Variants in TPTE2 observed in about 807,000 individuals in gnomAD.
TPTE2 encodes transmembrane phosphoinositide 3-phosphatase and tensin homolog 2.
TPTE2 carries 53 observed loss-of-function variants against 78.6 expected under a neutral mutation model. The observed-to-expected ratio is 0.67, with a 90% confidence interval of 0.54 to 0.85. The LOEUF (loss-of-function observed/expected upper bound fraction) is 0.85, where lower values mean the gene tolerates loss of function less well. TPTE2 is among the 40% of genes least tolerant of loss of function. TPTE2 has a pLI of 0.00. For missense variants in TPTE2, 461 were observed against 623.0 expected (o/e 0.74, Z 2.77); for synonymous variants, 175 against 206.2 (o/e 0.85, Z 1.30).
At chr13:19,444,186 G>A (rs1424297366) in intron 13 of TPTE2, among the ~76,000 whole-genome samples, 1 of 151,200 alleles carries the variant, frequency 6.6e-6, no homozygotes, top group African/African-American at 2.4e-5. Flanking sequence ...CCTGCCTGCA[G>A]TGCTAGCTAC....
the TPTE2 span, among the ~76,000 whole-genome samples, chr13:19,546,483 C>CTTTTTTTTTT: frequency 3.4e-4 from 29 of 85,022 alleles, no homozygotes; most frequent in Admixed American, 7.6e-4. Context: ...TTTTCTTTTT[C>CTTTTTTTTTT]TTTTTTTTTT....
chr13:19,422,961 A>G, exon 20 of TPTE2: 1 of 1,414,456 alleles, frequency 7.1e-7, no homozygotes, highest in Non-Finnish European at 9.7e-7. Context: ...AAGACTTAGG[A>G]CACATGAACA....
chr13:19,512,589 T>TC (rs898522111), intron 1 of TPTE2, among the ~76,000 whole-genome samples: 9 of 151,750 alleles, frequency 5.9e-5, no homozygotes, highest in African/African-American at 1.9e-4. Context: ...AAACATTTTT[T>TC]TTTTTTTGAG....
At chr13:19,430,324 A>T in intron 17 of TPTE2, 144 bp downstream of exon 20, 2 of 660,574 alleles carry the variant, frequency 3.0e-6, no homozygotes. Context: ...ATCCAAACCC[A>T]GTGACACCAA....
intron 3 of TPTE2, among the ~76,000 whole-genome samples, chr13:19,488,855 T>C (rs1880813393): frequency 6.6e-6 from 1 of 152,234 alleles, no homozygotes; most frequent in African/African-American, 2.4e-5. Context: ...TTTGTTTTTG[T>C]TTTTGTTTTA....
At chr13:19,483,766 T>G (rs1261304665) in intron 3 of TPTE2, among the ~76,000 whole-genome samples, 1 of 152,208 alleles carries the variant, frequency 6.6e-6, no homozygotes, top group Admixed American at 6.5e-5. Flanking sequence ...TCCAGGCATT[T>G]ATTGCTAAAA....
At chr13:19,489,780 G>GATAT (rs60322576) in intron 3 of TPTE2, among the ~76,000 whole-genome samples, 148,631 of 151,228 alleles carry the variant, frequency 0.98, 73,087 homozygotes, top group East Asian at 1. Flanking sequence ...TGTGTGTGTA[G>GATAT]ATCCTTTAGC....
At chr13:19,493,010 C>G (rs1881090278) in intron 2 of TPTE2, 107 bp from the exon 6 acceptor site, 1 of 1,481,098 alleles carries the variant, frequency 6.8e-7, no homozygotes, top group African/African-American at 1.4e-5. Flanking sequence ...TAATTTCTGT[C>G]AGAAATCTGA....
At chr13:19,532,315 G>C (rs1466470554) in intron 1 of TPTE2, among the ~76,000 whole-genome samples, 1 of 152,134 alleles carries the variant, frequency 6.6e-6, no homozygotes, top group Non-Finnish European at 1.5e-5. Context: ...AAGGTGATGA[G>C]GCCATGAGGG....
the TPTE2 span, chr13:19,560,917 G>A: frequency 1.6e-5 from 26 of 1,589,986 alleles, no homozygotes; most frequent in Non-Finnish European, 2.1e-5. Flanking sequence ...AGGCCAGACA[G>A]CTGTACTCCA....
chr13:19,561,296 A>C, the TPTE2 span: 2 of 956,852 alleles, frequency 2.1e-6, no homozygotes, highest in Non-Finnish European at 3.0e-6. Flanking sequence ...CTCCTGCCCC[A>C]GCATGCCGAT....
At position 19,535,504 on chromosome 13, in the gene TPTE2, GCAAAACCAAAA is replaced by G. The variant is rs1871161103; in HGVS notation, c.-44+1081_-44+1091del. Among the ~76,000 whole-genome samples the G allele has an allele frequency of 6.6e-6, 1 of 151,688 alleles. No homozygotes were observed. ...TGCACCTGCCTTTTCTAAAAACAAA[GCAAAACCAAAA>G]CAAAACTCTATAGAAAGATATTATA... On this transcript the variant is annotated intron_variant, in intron 1 of 17. Transcript: ENST00000390680. The surrounding 1 kb of genome is among the most constrained non-coding windows in gnomAD (Gnocchi z 5.1).
the TPTE2 span, among the ~76,000 whole-genome samples, chr13:19,550,852 GT>G: frequency 6.6e-6 from 1 of 151,482 alleles, no homozygotes; most frequent in African/African-American, 2.4e-5. Context: ...CTAGAGTGCA[GT>G]GGCGCAATTT....
intron 1 of TPTE2, among the ~76,000 whole-genome samples, chr13:19,532,453 A>C (rs1870946050): frequency 6.6e-6 from 1 of 152,316 alleles, no homozygotes; most frequent in African/African-American, 2.4e-5. Context: ...AGGATGCAAC[A>C]GTCAAGATGC....
At chr13:19,446,635 C>T (rs1176121670) in intron 13 of TPTE2, among the ~76,000 whole-genome samples, 2 of 152,096 alleles carry the variant, frequency 1.3e-5, no homozygotes, top group Non-Finnish European at 1.5e-5. Flanking sequence ...ACAAATTTTA[C>T]TATATTCAAA....
At chr13:19,537,611 T>G (rs1284968208), upstream of TPTE2, among the ~76,000 whole-genome samples, 7 of 147,024 alleles carry the variant, frequency 4.8e-5, no homozygotes, top group Middle Eastern at 3.6e-3. Context: ...TTGTTTTTTG[T>G]TTTTTTTTTG....
At chr13:19,549,879 T>A in the TPTE2 span, among the ~76,000 whole-genome samples, 1 of 102,382 alleles carries the variant, frequency 9.8e-6, no homozygotes, top group Non-Finnish European at 2.4e-5. Flanking sequence ...GAGGCCATTA[T>A]CCTACGTGAA....
At chr13:19,434,528 G>A (rs529246922) in intron 15 of TPTE2, among the ~76,000 whole-genome samples, 2 of 152,332 alleles carry the variant, frequency 1.3e-5, no homozygotes, top group South Asian at 2.1e-4. Flanking sequence ...GGCATGTTTA[G>A]GGCTGCACTT....
chr13:19,559,691 C>T, the TPTE2 span, among the ~76,000 whole-genome samples: 311 of 149,638 alleles, frequency 2.1e-3, no homozygotes, highest in Middle Eastern at 3.4e-3. Flanking sequence ...CACCCCCTTC[C>T]CTCCCTGAGA....
Sources: allele counts gnomAD v4.1 joint callset (sites outside exome capture counted in the v4.1 genomes callset), GRCh38; gene constraint gnomAD v4.1.1; non-coding constraint Gnocchi (gnomAD v3.1); transcripts MANE v1.5; gene names NCBI Gene and HGNC (gene_info 2026-07-23, HGNC 2026-07-21).